Variants in CCDC141 observed in about 807,000 individuals in gnomAD.
CCDC141 encodes coiled-coil domain-containing protein 141.
A neutral mutation model predicts 181.0 loss-of-function variants in CCDC141; 168 were observed. The ratio of observed to expected loss-of-function variants is 0.93; its 90% CI spans 0.82 to 1.05. The LOEUF (loss-of-function observed/expected upper bound fraction) is 1.05, where lower values mean the gene tolerates loss of function less well. Ranked by LOEUF, CCDC141 falls within the 50% of genes least tolerant of loss-of-function variation. The pLI is 0.00. For missense variants in CCDC141, 1,902 were observed against 1,788.5 expected (o/e 1.06, Z -1.14); for synonymous variants, 666 against 642.3 (o/e 1.04, Z -0.56).
intron 4 of CCDC141, among the ~76,000 whole-genome samples, chr2:178,965,506 C>T (rs572183110): frequency 6.6e-6 from 1 of 152,142 alleles, no homozygotes; most frequent in African/African-American, 2.4e-5. Context: ...GTCACCTCAC[C>T]CAGGAAGCAC....
At chr2:179,004,862 G>A (rs528185597) in intron 2 of CCDC141, among the ~76,000 whole-genome samples, 9 of 152,052 alleles carry the variant, frequency 5.9e-5, no homozygotes, top group Non-Finnish European at 1.3e-4. Context: ...CCACCTAGTA[G>A]CTGGGATTAT....
chr2:178,877,714 T>C (rs1315410490), intron 12 of CCDC141: 1 of 535,592 alleles, frequency 1.9e-6, no homozygotes, highest in Non-Finnish European at 3.2e-6. Flanking sequence ...ATAATAACAA[T>C]GTTGCATTTG....
intron 7 of CCDC141, among the ~76,000 whole-genome samples, chr2:178,915,204 A>G (rs1377442103): frequency 1.3e-5 from 2 of 152,038 alleles, no homozygotes; most frequent in Non-Finnish European, 2.9e-5. Context: ...AAAGAAAATG[A>G]AAGGAAAAGG....
chr2:178,821,754 A>G, the CCDC141 span, among the ~76,000 whole-genome samples: 5 of 152,260 alleles, frequency 3.3e-5, no homozygotes, highest in African/African-American at 1.2e-4. Context: ...AAAAGTTAGG[A>G]AACAACAGGT....
rs1250839980 is a variant in CCDC141, at chr2:178,833,539, A to T, written c.*634T>A. ...GCTGTATGACATGCAGAGCTGACAA[A>T]AGATGGAAACTCTATTTAAAGTTGA... is the stretch of plus-strand genomic sequence containing the variant. On this transcript the variant is annotated 3_prime_UTR_variant, in exon 24 of 24. Transcript: ENST00000443758. The T allele has an allele frequency of 6.6e-6, 1 of 152,452 alleles. No homozygotes were observed. Among genetic ancestry groups the T allele is most frequent in the Non-Finnish European group, 1.5e-5 (1 of 68,228 alleles). 9.4% of individuals were successfully genotyped at this position (152,452 alleles called of 1,614,324 possible). A position where few individuals can be genotyped will look rare whatever the true frequency, so the allele number is the denominator to read the frequency against.
At chr2:178,834,590 G>A (rs1684399418) in intron 23 of CCDC141, 150 bp from the exon 24 acceptor site, 10 of 864,816 alleles carry the variant, frequency 1.2e-5, no homozygotes, top group Non-Finnish European at 1.7e-5. Flanking sequence ...TTCCAGTGGG[G>A]CTCTTTATCT....
At chr2:178,922,576 A>G (rs78330357) in intron 6 of CCDC141, among the ~76,000 whole-genome samples, 8,597 of 152,316 alleles carry the variant, frequency 0.056, 398 homozygotes, top group Admixed American at 0.15. Flanking sequence ...AAGGCTCGCT[A>G]TTTCAGAATA....
At position 178,957,163 on chromosome 2, in the gene CCDC141, G is replaced by C. The variant is rs562474874; in HGVS notation, c.780+4067C>G. Among the ~76,000 whole-genome samples, 4 of 152,284 alleles carry C rather than the reference G, an allele frequency of 2.6e-5. No individual in the cohort carries two copies. The South Asian group carries it at 6.2e-4, about 24-fold the overall frequency. On this transcript the variant is annotated intron_variant, in intron 5 of 23. Coordinates refer to ENST00000443758, the MANE Select transcript of CCDC141 (RefSeq NM_173648.4). ...GCTGGGATTACAGTCGTGAGCCACC[G>C]GGCCTGGCCGAGAAAGCTTTCATAA...
Position 179,049,908 on chromosome 2 carries a change from A to G in CCDC141, c.34T>C (p.Ser12Pro). Residue 12 changes from serine (S) to proline (P), a missense_variant, in exon 1 of 24, where the codon TCT becomes CCT. Transcript: ENST00000443758. ...SSQGSPSVALSTTTVSSVAVQ... is the reference protein window; with the variant it reads ...SSQGSPSVALPTTTVSSVAVQ... ...GCAACTGAACTGACTGTCGTCGTAG[A>G]AAGCGCAACACTAGGACTTCCTTGG... is the stretch of plus-strand genomic sequence containing the variant. 6.4e-7 allele frequency: 1 copy of G among 1,550,760 alleles called. No homozygotes were observed. Among genetic ancestry groups the G allele is most frequent in the Non-Finnish European group, 8.7e-7 (1 of 1,146,968 alleles).
At chr2:178,994,598 G>T (rs1476983303) in intron 2 of CCDC141, among the ~76,000 whole-genome samples, 1 of 152,120 alleles carries the variant, frequency 6.6e-6, no homozygotes, top group African/African-American at 2.4e-5. Context: ...TTTTCTTGGG[G>T]ATTAGCTCCT....
Position 178,834,329 on chromosome 2 carries a change from A to T in CCDC141, c.4437T>A (p.Tyr1479Ter). The stretch of plus-strand genomic sequence containing the variant: ...CGCTAGAGTTTTGGGCCCGAGCCAC[A>T]TAGAGGCCTGCGTCTGCCTTGCATA... ...PKVCKADAGLYVARAQNSSGA... is the reference protein window; with the variant it reads ...PKVCKADAGL The change falls in exon 24 of 24, where the codon TAT becomes TAA. Residue 1479 changes from tyrosine to a stop codon, truncating the protein, a stop_gained. Coordinates refer to ENST00000443758, the MANE Select transcript of CCDC141 (RefSeq NM_173648.4). LOFTEE classifies it high-confidence loss of function. 1 of 1,536,022 alleles carries T rather than the reference A, an allele frequency of 6.5e-7. No individual in the cohort carries two copies. Among genetic ancestry groups the T allele is most frequent in the Non-Finnish European group, 8.7e-7 (1 of 1,146,758 alleles).
chr2:178,959,687 A>G (rs972761223), intron 5 of CCDC141, among the ~76,000 whole-genome samples: 2 of 152,174 alleles, frequency 1.3e-5, no homozygotes, highest in African/African-American at 4.8e-5. Context: ...GGACAGGAGA[A>G]GCGGCAGCAG....
At chr2:178,845,582 A>G (rs898227714) in intron 22 of CCDC141, 44 bp downstream of exon 22, 2 of 1,081,686 alleles carry the variant, frequency 1.8e-6, no homozygotes, top group African/African-American at 3.1e-5. Context: ...CTTTAACCTC[A>G]AAGCAAAAGT....
intron 12 of CCDC141, chr2:178,874,476 G>A (rs533688230): frequency 8.5e-5 from 13 of 152,270 alleles, no homozygotes; most frequent in African/African-American, 2.9e-4. Flanking sequence ...TTTGGAATAA[G>A]TTATTGTTGC....
At chr2:178,986,570 A>C (rs540366622) in intron 2 of CCDC141, among the ~76,000 whole-genome samples, 1 of 152,114 alleles carries the variant, frequency 6.6e-6, no homozygotes, top group East Asian at 1.9e-4. Flanking sequence ...AGAAAACCCC[A>C]TTGTCTCAGC....
intron 2 of CCDC141, among the ~76,000 whole-genome samples, chr2:179,035,515 G>A (rs2043119335): frequency 6.6e-6 from 1 of 152,148 alleles, no homozygotes; most frequent in Non-Finnish European, 1.5e-5. Flanking sequence ...ATTTGGGCAG[G>A]ACTCAGTGGA....
chr2:178,978,778 G>A (rs986301616), intron 2 of CCDC141, 103 bp from the exon 3 acceptor site: 2 of 868,130 alleles, frequency 2.3e-6, no homozygotes, highest in Non-Finnish European at 1.6e-6. Context: ...TGTGGTCTAG[G>A]AAACAGAATT....
intron 8 of CCDC141, among the ~76,000 whole-genome samples, chr2:178,892,841 C>T (rs1221891793): frequency 6.6e-6 from 1 of 152,178 alleles, no homozygotes; most frequent in African/African-American, 2.4e-5. Flanking sequence ...GGGTAACAGA[C>T]ACTTGGTTGA....
chr2:178,935,608 A>G (rs1208535796), intron 6 of CCDC141, among the ~76,000 whole-genome samples: 1 of 152,174 alleles, frequency 6.6e-6, no homozygotes, highest in Non-Finnish European at 1.5e-5. Context: ...TCTTTATGGT[A>G]GAATGATTTA....
Sources: gnomAD v4.1 joint callset for allele counts (sites outside exome capture counted in the v4.1 genomes callset) on GRCh38, gnomAD v4.1.1 for gene constraint, MANE v1.5 for transcripts, NCBI Gene and HGNC (gene_info 2026-07-23, HGNC 2026-07-21) for gene names.